CENPP: variants seen among roughly 807,000 people sequenced by gnomAD.
CENPP encodes centromere protein P.
In CENPP, 24 loss-of-function variants were observed where a neutral mutation model predicts 35.6. The ratio of observed to expected loss-of-function variants is 0.67; its 90% confidence interval spans 0.49 to 0.95. The LOEUF (loss-of-function observed/expected upper bound fraction) is 0.95, where lower values mean the gene tolerates loss of function less well. CENPP is among the 40% of genes least tolerant of loss of function. The pLI is 0.00. For synonymous variants in CENPP, 120 were observed against 125.5 expected (o/e 0.96, Z 0.29); for missense variants, 332 against 345.3 (o/e 0.96, Z 0.31).
At position 92,592,986 on chromosome 9, in the gene CENPP, A is replaced by G. The variant is rs769712641; in HGVS notation, c.565-18328A>G. 2.8e-4 allele frequency among the ~76,000 whole-genome samples: 42 copies of G among 152,250 alleles called. 1 individual carries two copies. The highest frequency in any genetic ancestry group is 7.3e-5 in the Non-Finnish European group (5 of 68,040). ...CCTAAGTTGGCTTAAACGAAAAGGA[A>G]CATTAGTGGCTCCTGTAGCTAGCAG... On this transcript the variant is annotated intron_variant, in intron 5 of 7. Coordinates refer to ENST00000375587, the MANE Select transcript of CENPP (RefSeq NM_001012267.3).
intron 5 of CENPP, among the ~76,000 whole-genome samples, chr9:92,421,322 G>A (rs898464725): frequency 2.6e-5 from 4 of 152,200 alleles, no homozygotes; most frequent in African/African-American, 9.7e-5. Flanking sequence ...TTACAGGCAT[G>A]AGCCACCACC....
intron 5 of CENPP, chr9:92,416,827 T>G: frequency 6.2e-6 from 10 of 1,613,884 alleles, no homozygotes; most frequent in South Asian, 1.1e-5. Flanking sequence ...TAGAAGAAAT[T>G]GAATTATTTT....
At chr9:92,355,955 T>G (rs1314147070) in intron 4 of CENPP, among the ~76,000 whole-genome samples, 5 of 152,256 alleles carry the variant, frequency 3.3e-5, no homozygotes, top group African/African-American at 9.6e-5. Context: ...TGAATATGCA[T>G]ATGCAAAAAC....
chr9:92,522,516 C>T, intron 5 of CENPP: 1 of 1,448,286 alleles, frequency 6.9e-7, no homozygotes, highest in South Asian at 1.5e-5. Flanking sequence ...CTTCTCTTTC[C>T]CCATACCATC....
At chr9:92,579,213 A>G (rs1373242227) in intron 5 of CENPP, among the ~76,000 whole-genome samples, 2 of 148,266 alleles carry the variant, frequency 1.3e-5, no homozygotes, top group African/African-American at 2.5e-5. Flanking sequence ...GCCTTGTAGT[A>G]TAGTTTGAAG....
At chr9:92,409,454 G>A (rs1420063601) in intron 5 of CENPP, among the ~76,000 whole-genome samples, 2 of 152,168 alleles carry the variant, frequency 1.3e-5, no homozygotes, top group African/African-American at 4.8e-5. Context: ...CTGATTAAGT[G>A]TGTTATATAA....
Position 92,490,451 on chromosome 9 carries a change from C to T in CENPP, c.564+110592C>T, listed in dbSNP as rs137867430. Among the ~76,000 whole-genome samples, 36 of 152,274 alleles carry T rather than the reference C, an allele frequency of 2.4e-4. No individual in the cohort carries two copies. The East Asian group carries it at 4.4e-3, about 19-fold the overall frequency. On this transcript the variant is annotated intron_variant, in intron 5 of 7. Coordinates refer to ENST00000375587, the MANE Select transcript of CENPP (RefSeq NM_001012267.3). ...TAAGTCTATCAAGGATCTGAATTTA[C>T]GTTCAACCATGGATAGATAAATAGT...
rs781435656 is a variant in CENPP at position 92,387,209 on chromosome 9, C to T, written c.564+7350C>T. ...CCAACATGGTGAAACCCCATTTCTA[C>T]TAAAAATACAAAAATTAACTGGTGT... On this transcript the variant is annotated intron_variant, in intron 5 of 7. Transcript: ENST00000375587. Among the ~76,000 whole-genome samples, 46 of 151,794 alleles carry T rather than the reference C, an allele frequency of 3.0e-4. 1 individual carries two copies. The highest frequency in any genetic ancestry group is 5.9e-4 in the Non-Finnish European group (40 of 67,958).
chr9:92,583,630 T>G (rs983431384), intron 5 of CENPP, among the ~76,000 whole-genome samples: 5 of 148,036 alleles, frequency 3.4e-5, no homozygotes, highest in Non-Finnish European at 5.9e-5. Context: ...GGAGTGGGGT[T>G]TTTTTTTTCT....
At chr9:92,600,231 CG>C in intron 5 of CENPP, 4 of 1,299,104 alleles carry the variant, frequency 3.1e-6, no homozygotes, top group Non-Finnish European at 4.0e-6. Context: ...AACAGAAGGG[CG>C]TGGGATCTGG....
chr9:92,394,850 GC>G (rs1407116029), intron 5 of CENPP, among the ~76,000 whole-genome samples: 2 of 151,898 alleles, frequency 1.3e-5, no homozygotes, highest in African/African-American at 2.4e-5. Context: ...CAGGTGATCT[GC>G]CCGCCTCAGC....
intron 5 of CENPP, chr9:92,403,720 C>G (rs3758228): frequency 0.035 from 27,331 of 773,730 alleles, 558 homozygotes; most frequent in South Asian, 0.074. Context: ...AATTAAGTGC[C>G]TTCAGCAGAC....
At chr9:92,471,107 T>TGCAGCC (rs1845495966) in intron 5 of CENPP, among the ~76,000 whole-genome samples, 2 of 152,186 alleles carry the variant, frequency 1.3e-5, no homozygotes, top group Admixed American at 1.3e-4. Flanking sequence ...TCTGTTGATG[T>TGCAGCC]ACCTTTGGCT....
At chr9:92,393,830 A>G (rs947526194) in intron 5 of CENPP, among the ~76,000 whole-genome samples, 3 of 152,064 alleles carry the variant, frequency 2.0e-5, no homozygotes, top group Admixed American at 2.0e-4. Context: ...TTTATTCTGC[A>G]GAATGCCTTT....
At chr9:92,466,966 C>A (rs1845338473) in intron 5 of CENPP, among the ~76,000 whole-genome samples, 1 of 152,160 alleles carries the variant, frequency 6.6e-6, no homozygotes, top group African/African-American at 2.4e-5. Context: ...ACCAAATATA[C>A]TTTTGCATGA....
chr9:92,413,509 G>T (rs1843502411), intron 5 of CENPP, among the ~76,000 whole-genome samples: 1 of 152,008 alleles, frequency 6.6e-6, no homozygotes, highest in Non-Finnish European at 1.5e-5. Context: ...TCTAGGTTAG[G>T]AATTGTCTTA....
At chr9:92,539,350 C>G (rs890259103) in intron 5 of CENPP, among the ~76,000 whole-genome samples, 6 of 142,528 alleles carry the variant, frequency 4.2e-5, no homozygotes, top group African/African-American at 1.5e-4. Flanking sequence ...CCCGCTCCCC[C>G]ACCCCCCACC....
intron 5 of CENPP, among the ~76,000 whole-genome samples, chr9:92,543,471 CAAAAAAAAAA>C (rs71362401): frequency 2.9e-4 from 13 of 44,538 alleles, no homozygotes; most frequent in East Asian, 1.8e-3. Flanking sequence ...AACCCTGTCT[CAAAAAAAAAA>C]AAAAAAAAAA....
intron 5 of CENPP, among the ~76,000 whole-genome samples, chr9:92,410,639 G>A (rs1843420925): frequency 1.3e-5 from 2 of 152,142 alleles, no homozygotes; most frequent in Admixed American, 6.6e-5. Flanking sequence ...TTTTGTATGA[G>A]TAAAATGTTG....
Sources: allele counts gnomAD v4.1 joint callset (sites outside exome capture counted in the v4.1 genomes callset), GRCh38; gene constraint gnomAD v4.1.1; transcripts MANE v1.5; gene names NCBI Gene and HGNC (gene_info 2026-07-23, HGNC 2026-07-21).